Variants in FBXL20 observed in about 807,000 individuals in gnomAD.
The protein encoded by FBXL20 is F-box/LRR-repeat protein 20.
FBXL20 carries 11 observed loss-of-function variants against 64.0 expected under a neutral mutation model. That is an observed-to-expected ratio of 0.17 (90% CI 0.11 to 0.28). The LOEUF (loss-of-function observed/expected upper bound fraction) is 0.28. Ranked by LOEUF, FBXL20 falls within the 10% of genes least tolerant of loss-of-function variation. The pLI is 1.00. For missense variants in FBXL20, 303 were observed against 526.2 expected, an observed-to-expected ratio of 0.58 and a Z score of 4.15; for synonymous variants, 184 against 189.0, an observed-to-expected ratio of 0.97 and a Z score of 0.22.
At chr17:39,309,760 C>G (rs2047214881) in intron 2 of FBXL20, among the ~76,000 whole-genome samples, 1 of 148,780 alleles carries the variant, frequency 6.7e-6, no homozygotes, top group Non-Finnish European at 1.5e-5. Context: ...CCGCTGCACT[C>G]CAGCCTAGGT....
At position 39,355,920 on chromosome 17, in the gene FBXL20, G is replaced by C. The variant is rs544234881; in HGVS notation, c.43-12679C>G. ...CAATTTCATAAAAATTTTCTCCTAT[G>C]TTTTAAAAGTTTTGGGCAGGAGGGG... On this transcript the variant is annotated intron_variant, in intron 1 of 14. Transcript: ENST00000264658. Among the ~76,000 whole-genome samples the C allele has an allele frequency of 1.0e-4, 15 of 145,696 alleles. 1 individual carries two copies. In the South Asian group the frequency reaches 3.3e-3, roughly 32 times the overall value.
intron 2 of FBXL20, among the ~76,000 whole-genome samples, chr17:39,311,253 C>A (rs2047233401): frequency 6.6e-6 from 1 of 152,138 alleles, no homozygotes. Context: ...AGTAACAAAA[C>A]TTTTGGCTTT....
At chr17:39,399,466 A>C (rs1597843448) in intron 1 of FBXL20, among the ~76,000 whole-genome samples, 1 of 152,362 alleles carries the variant, frequency 6.6e-6, no homozygotes, top group Admixed American at 6.5e-5. Flanking sequence ...AATGGTTTTA[A>C]GAAGTACTCA....
rs2046836870 is a variant in FBXL20 at position 39,270,788 on chromosome 17, ATACT to A, written c.888+4_888+7del. 1 of 1,606,002 alleles carries A rather than the reference ATACT, an allele frequency of 6.2e-7. No individual in the cohort carries two copies. Among genetic ancestry groups the A allele is most frequent in the African/African-American group, 1.3e-5 (1 of 74,246 alleles). ...AACAAACCTATGGAACCTAAAGAAAATACTTACCCTGGCTAGAGTGGTAAAGCCC... is the reference window on the plus strand; with the variant it reads ...AACAAACCTATGGAACCTAAAGAAAATACCCTGGCTAGAGTGGTAAAGCCC... On this transcript the variant is annotated splice_donor_5th_base_variant and intron_variant, in intron 11 of 14. Coordinates refer to ENST00000264658, the MANE Select transcript of FBXL20 (RefSeq NM_032875.3).
rs187559357 is a variant in FBXL20 at position 39,388,867 on chromosome 17, T to C, written c.42+12494A>G. ...CTGTAATCCCAGCACTTTGGGAGGCTGAGGTGGGTGGAGTACCTGAGGTCA... is the reference window on the plus strand; with the variant it reads ...CTGTAATCCCAGCACTTTGGGAGGCCGAGGTGGGTGGAGTACCTGAGGTCA... On this transcript the variant is annotated intron_variant, in intron 1 of 14. Transcript: ENST00000264658. 9.7e-3 allele frequency among the ~76,000 whole-genome samples: 1,459 copies of C among 149,966 alleles called. 30 individuals are homozygous for C. Among genetic ancestry groups the C allele is most frequent in the African/African-American group, 0.033 (1,379 of 41,182 alleles).
chr17:39,311,319 T>C (rs531508581), intron 2 of FBXL20, among the ~76,000 whole-genome samples: 99 of 152,342 alleles, frequency 6.5e-4, no homozygotes, highest in Non-Finnish European at 1.2e-3. Flanking sequence ...TTATTTATTT[T>C]CCCTTCTTTC....
chr17:39,348,562 G>A (rs1018397612), intron 1 of FBXL20, among the ~76,000 whole-genome samples: 2 of 152,156 alleles, frequency 1.3e-5, no homozygotes, highest in Admixed American at 6.5e-5. Flanking sequence ...AAAGTGTTGG[G>A]ATTACATTTG....
chr17:39,348,119 A>G (rs1217546493), intron 1 of FBXL20, among the ~76,000 whole-genome samples: 1 of 146,550 alleles, frequency 6.8e-6, no homozygotes, highest in East Asian at 2.0e-4. Context: ...AGAGTCTCGC[A>G]GGGCACATGT....
At chr17:39,335,050 G>A (rs1273350864) in intron 2 of FBXL20, among the ~76,000 whole-genome samples, 2 of 151,634 alleles carry the variant, frequency 1.3e-5, no homozygotes, top group Non-Finnish European at 2.9e-5. Flanking sequence ...TTCCCTCTGT[G>A]GCTAGTGAGC....
chr17:39,312,082 AG>A (rs1246090846), intron 2 of FBXL20, among the ~76,000 whole-genome samples: 1 of 152,166 alleles, frequency 6.6e-6, no homozygotes, highest in East Asian at 1.9e-4. Flanking sequence ...TAAAAAATTA[AG>A]AGGAGAAGAC....
chr17:39,348,463 A>G (rs1376770623), intron 1 of FBXL20, among the ~76,000 whole-genome samples: 1 of 124,414 alleles, frequency 8.0e-6, no homozygotes, highest in Non-Finnish European at 1.6e-5. Context: ...CGTCTCAAAA[A>G]AAAGAAAAAA....
rs1439275988 is a variant in FBXL20 at position 39,309,027 on chromosome 17, CT to C, written c.105-5389del. Among the ~76,000 whole-genome samples, 3 of 152,248 alleles carry C rather than the reference CT, an allele frequency of 2.0e-5. No homozygotes were observed. In the East Asian group the frequency reaches 5.8e-4, roughly 29 times the overall value. The stretch of plus-strand genomic sequence containing the variant: ...TTGTATTTTAGTAAAAGCCTTGAGG[CT>C]TTTAAAAGTCTAGGATTCCTTATTA... On this transcript the variant is annotated intron_variant, in intron 2 of 14. Transcript: ENST00000264658.
At chr17:39,373,860 G>C (rs904218185) in intron 1 of FBXL20, among the ~76,000 whole-genome samples, 1 of 152,146 alleles carries the variant, frequency 6.6e-6, no homozygotes, top group African/African-American at 2.4e-5. Context: ...ATGATTATAT[G>C]GGATTTGTTT....
intron 1 of FBXL20, among the ~76,000 whole-genome samples, chr17:39,371,808 G>A (rs1410390134): frequency 1.3e-5 from 2 of 152,062 alleles, no homozygotes; most frequent in East Asian, 1.9e-4. Flanking sequence ...TTAAAGGCAC[G>A]CGCCACCTCG....
In FBXL20 at chr17:39,259,140, G is replaced by A. The variant is rs1450405433; in HGVS notation, c.*2320C>T. On this transcript the variant is annotated 3_prime_UTR_variant, in exon 15 of 15. Coordinates refer to ENST00000264658, the MANE Select transcript of FBXL20 (RefSeq NM_032875.3). ...TAAATCAGACTTTATTCTTATATATGCTGGTATAATCAGCAACTGCAGCAT... is the reference window on the plus strand; with the variant it reads ...TAAATCAGACTTTATTCTTATATATACTGGTATAATCAGCAACTGCAGCAT... 1 of 151,856 alleles carries A rather than the reference G, an allele frequency of 6.6e-6. No individual in the cohort carries two copies. Among genetic ancestry groups the A allele is most frequent in the Admixed American group, 6.6e-5 (1 of 15,204 alleles). 9.4% of individuals were successfully genotyped at this position (151,856 alleles called of 1,614,324 possible). A position where few individuals can be genotyped will look rare whatever the true frequency, so the allele number is the denominator to read the frequency against.
chr17:39,335,902 AGGCTAAG>A (rs2047517059), intron 2 of FBXL20, among the ~76,000 whole-genome samples: 1 of 152,124 alleles, frequency 6.6e-6, no homozygotes, highest in Non-Finnish European at 1.5e-5. Flanking sequence ...ATACTTCGTG[AGGCTAAG>A]GGGAGAGAAT....
At chr17:39,267,376 C>T (rs1455399663) in intron 12 of FBXL20, among the ~76,000 whole-genome samples, 1 of 152,194 alleles carries the variant, frequency 6.6e-6, no homozygotes, top group East Asian at 1.9e-4. Flanking sequence ...AGAACCTCTA[C>T]TTGCTGGACT....
chr17:39,379,241 CAT>C (rs1468684747), intron 1 of FBXL20, among the ~76,000 whole-genome samples: 2 of 150,714 alleles, frequency 1.3e-5, no homozygotes, highest in Admixed American at 1.3e-4. Context: ...AATAAAATAA[CAT>C]AATAATAATA....
At chr17:39,390,730 CA>C (rs2048126215) in intron 1 of FBXL20, among the ~76,000 whole-genome samples, 1 of 152,024 alleles carries the variant, frequency 6.6e-6, no homozygotes, top group Admixed American at 6.6e-5. Flanking sequence ...CTGTCTCAAA[CA>C]AAAACTGAGT....
Sources: allele counts gnomAD v4.1 joint callset (sites outside exome capture counted in the v4.1 genomes callset), GRCh38; gene constraint gnomAD v4.1.1; transcripts MANE v1.5; gene names NCBI Gene and HGNC (gene_info 2026-07-23, HGNC 2026-07-21).